Variants in RPS27A observed in about 807,000 individuals in gnomAD.
RPS27A encodes the protein ribosomal protein S27a, also known as ubiquitin-ribosomal protein eS31 fusion protein.
RPS27A carries 1 observed loss-of-function variant against 18.9 expected under a neutral mutation model. The ratio of observed to expected loss-of-function variants is 0.05; its 90% CI spans 0.02 to 0.25. RPS27A has a LOEUF of 0.25. Among genes scored for constraint, RPS27A ranks in the 10% least tolerant of loss-of-function variants. The pLI is 1.00. For missense variants in RPS27A, 123 were observed against 187.4 expected (o/e 0.66, Z 2.01); for synonymous variants, 77 against 63.7 (o/e 1.21, Z -0.99).
chr2:55,233,786 G>C, intron 3 of RPS27A: 1 of 473,336 alleles, frequency 2.1e-6, no homozygotes. Flanking sequence ...GCACCACCAT[G>C]CCTGGCTAAT....
At position 55,233,397 on chromosome 2, in the gene RPS27A, C is replaced by T. The variant is rs369415573; in HGVS notation, c.83C>T (p.Ala28Val). 5.3e-5 allele frequency: 85 copies of T among 1,613,340 alleles called. No homozygotes were observed. The highest frequency in any genetic ancestry group is 6.4e-5 in the Non-Finnish European group (76 of 1,179,472). ...TCGGATACGATAGAAAATGTAAAGG[C>T]CAAGATCCAGGATAAGGAAGGCAAG... ...EPSDTIENVK[A>V]KIQDKEGIPP... The change falls in exon 3 of 6, where the codon GCC becomes GTC. Residue 28 changes from alanine (A) to valine (V), a missense_variant. This residue lies in a region of RPS27A where 66 missense variants were observed against 72.6 expected (regional missense o/e 0.91). Transcript: ENST00000272317.
chr2:55,233,322 C>A (rs1376805023), intron 2 of RPS27A, 41 bp from the exon 3 acceptor site: 1 of 1,526,160 alleles, frequency 6.6e-7, no homozygotes, highest in East Asian at 2.2e-5. Flanking sequence ...GCTGTAGTTC[C>A]TTAATGTGTA....
Position 55,235,784 on chromosome 2 carries a change from G to T in RPS27A, c.*207G>T, listed in dbSNP as rs1675762412. ...GGTGCCAACCACTTGTAAAGGTCTT[G>T]ATATTTTCAATTCTTAGACTACCTA... On this transcript the variant is annotated 3_prime_UTR_variant, in exon 6 of 6. Transcript: ENST00000272317. 1 of 607,914 alleles carries T rather than the reference G, an allele frequency of 1.6e-6. No homozygotes were observed. The highest frequency in any genetic ancestry group is 2.9e-5 in the Admixed American group (1 of 34,960). The allele number at this position is 607,914 out of a possible 1,614,324, so 37.7% of individuals were successfully genotyped here. A position where few individuals can be genotyped will look rare whatever the true frequency, so the allele number is the denominator to read the frequency against.
At chr2:55,232,960 A>G (rs1043828014) in intron 2 of RPS27A, 88 bp downstream of exon 2, 12 of 1,090,376 alleles carry the variant, frequency 1.1e-5, no homozygotes, top group South Asian at 2.6e-5. Flanking sequence ...CATGTCTTAG[A>G]CCATGATTCC....
intron 4 of RPS27A, chr2:55,234,450 C>T: frequency 1.8e-6 from 1 of 571,334 alleles, no homozygotes; most frequent in East Asian, 3.0e-5. Context: ...GATCTTCCCA[C>T]CGTGGCCTCC....
rs1337056904 is a variant in RPS27A at position 55,234,185 on chromosome 2, C to T, written c.170C>T (p.Ser57Phe). 2 of 1,608,854 alleles carry T rather than the reference C, an allele frequency of 1.2e-6. No individual in the cohort carries two copies. Among genetic ancestry groups the T allele is most frequent in the Admixed American group, 3.3e-5 (2 of 60,016 alleles). ...CAGCTGGAAGATGGACGTACTTTGT[C>T]TGACTACAATATTCAAAAGGTCTGT... Reference protein sequence around the residue: ...GKQLEDGRTLSDYNIQKESTL... With the variant: ...GKQLEDGRTLFDYNIQKESTL... The change falls in exon 4 of 6, where the codon TCT becomes TTT. Residue 57 changes from serine to phenylalanine, a missense_variant. Around this residue, in one of 2 missense-constraint regions of RPS27A, gnomAD observed 66 missense variants for 72.6 expected, o/e 0.91. Coordinates refer to ENST00000272317, the MANE Select transcript of RPS27A (RefSeq NM_002954.6).
intron 4 of RPS27A, 196 bp from the exon 5 acceptor site, chr2:55,234,635 G>T (rs1675700537): frequency 7.8e-6 from 5 of 639,022 alleles, no homozygotes; most frequent in Non-Finnish European, 1.4e-5. Context: ...TGTATCCCAT[G>T]GTGTAATGTA....
At chr2:55,233,749 C>T in intron 3 of RPS27A, 2 of 472,298 alleles carry the variant, frequency 4.2e-6, no homozygotes, top group Non-Finnish European at 3.9e-6. Context: ...GTGCTTCAGC[C>T]TCCCTATTAG....
Position 55,233,455 on chromosome 2 carries a change from G to A in RPS27A, c.103+38G>A, listed in dbSNP as rs112124437. 4.4e-4 allele frequency: 661 copies of A among 1,513,158 alleles called. 4 individuals carry two copies. The African/African-American group carries it at 8.0e-3, about 18-fold the overall frequency. The allele number at this position is 1,513,158 out of a possible 1,614,324, so 93.7% of individuals were successfully genotyped here. A position where few individuals can be genotyped will look rare whatever the true frequency, so the allele number is the denominator to read the frequency against. ...TTGTAGTTAAGAAAACTTAACCTGC[G>A]GAGACTTCGGCCTACCTGTAGGTGC... On this transcript the variant is annotated intron_variant, in intron 3 of 5. Coordinates refer to ENST00000272317, the MANE Select transcript of RPS27A (RefSeq NM_002954.6).
chr2:55,234,229 C>T (rs754491098), intron 4 of RPS27A, 25 bp downstream of exon 4: 14 of 1,486,718 alleles, frequency 9.4e-6, no homozygotes, highest in Admixed American at 1.7e-5. Context: ...AGAGCAGCCT[C>T]TTTTAAAAAA....
At chr2:55,233,843 TG>T (rs1336164186) in intron 3 of RPS27A, 2 of 531,128 alleles carry the variant, frequency 3.8e-6, no homozygotes, top group Non-Finnish European at 6.8e-6. Flanking sequence ...TTGGCCAGGC[TG>T]GTTTTGAACT....
chr2:55,235,739 G>A lies in RPS27A; in HGVS notation c.*162G>A. 3.6e-6 allele frequency: 3 copies of A among 823,772 alleles called. No homozygotes were observed. Among genetic ancestry groups the A allele is most frequent in the Non-Finnish European group, 5.9e-6 (3 of 509,204 alleles). The allele number at this position is 823,772 out of a possible 1,614,324, so 51.0% of individuals were successfully genotyped here. A position where few individuals can be genotyped will look rare whatever the true frequency, so the allele number is the denominator to read the frequency against. ...TTGCCTCTGGGGATTATGTGACCCAGTGGTTCTGTATACCTGCCAGGTGCC... is the reference window on the plus strand; with the variant it reads ...TTGCCTCTGGGGATTATGTGACCCAATGGTTCTGTATACCTGCCAGGTGCC... On this transcript the variant is annotated 3_prime_UTR_variant, in exon 6 of 6. Transcript: ENST00000272317.
At chr2:55,233,245 C>T (rs891707095) in intron 2 of RPS27A, 118 bp from the exon 3 acceptor site, 4 of 870,324 alleles carry the variant, frequency 4.6e-6, no homozygotes, top group South Asian at 1.4e-5. Flanking sequence ...GGTAATAGGT[C>T]TCTCGAGTAG....
intron 3 of RPS27A, chr2:55,233,756 TTAG>T (rs1339490862): frequency 2.1e-6 from 1 of 466,368 alleles, no homozygotes; most frequent in Non-Finnish European, 3.9e-6. Flanking sequence ...AGCCTCCCTA[TTAG>T]TGGGGATTAC....
At chr2:55,235,352 A>G in intron 5 of RPS27A, 76 bp from the exon 6 acceptor site, 1 of 1,531,964 alleles carries the variant, frequency 6.5e-7, no homozygotes. Flanking sequence ...TTAAAAGCTT[A>G]AATATTTTGA....
chr2:55,235,833 A>G lies in RPS27A; in HGVS notation c.*256A>G. The G allele has an allele frequency of 1.9e-6, 1 of 521,500 alleles. No individual in the cohort carries two copies. Among genetic ancestry groups the G allele is most frequent in the Non-Finnish European group, 3.5e-6 (1 of 289,158 alleles). 32.3% of individuals were successfully genotyped at this position (521,500 alleles called of 1,614,324 possible). On this transcript the variant is annotated 3_prime_UTR_variant, in exon 6 of 6. Coordinates refer to ENST00000272317, the MANE Select transcript of RPS27A (RefSeq NM_002954.6). ...TATACTTTGGCAGAAGTTATATTTA[A>G]TGTAAGTTGTCTAAATATAAGCCAG... is the stretch of plus-strand genomic sequence containing the variant.
At chr2:55,233,027 C>G (rs1267687483) in intron 2 of RPS27A, 155 bp downstream of exon 2, 3 of 737,988 alleles carry the variant, frequency 4.1e-6, no homozygotes, top group Non-Finnish European at 4.9e-6. Flanking sequence ...GAGCAACGAC[C>G]TAGAGGTGAT....
intron 4 of RPS27A, chr2:55,234,470 G>T: frequency 1.8e-6 from 1 of 561,260 alleles, no homozygotes; most frequent in East Asian, 3.1e-5. Context: ...CCAGCGCTGG[G>T]ATTACAGACG....
chr2:55,235,184 T>A, intron 5 of RPS27A: 2 of 705,456 alleles, frequency 2.8e-6, no homozygotes, highest in Non-Finnish European at 4.7e-6. Context: ...TAAAGTCGGG[T>A]TTGGGTTCAG....
Sources: gnomAD v4.1 joint callset for allele counts on GRCh38, gnomAD v4.1.1 for gene constraint, gnomAD v4.1.1 regional missense constraint, MANE v1.5 for transcripts, NCBI Gene and HGNC (gene_info 2026-07-23, HGNC 2026-07-21) for gene names.